Variants in ITGA4 observed in about 807,000 individuals in gnomAD.
The protein encoded by ITGA4 is integrin subunit alpha 4, also known as integrin alpha-4.
In ITGA4, 63 loss-of-function variants were observed where a neutral mutation model predicts 133.6. That is an observed-to-expected ratio of 0.47 (90% CI 0.38 to 0.58). The LOEUF is 0.58. ITGA4 is among the 20% of genes least tolerant of loss of function. ITGA4 has a pLI of 0.00. For missense variants in ITGA4, 1,076 were observed against 1,252.7 expected, an observed-to-expected ratio of 0.86 and a Z score of 2.13; for synonymous variants, 483 against 438.0, an observed-to-expected ratio of 1.10 and a Z score of -1.28.
intron 11 of ITGA4, 94 bp downstream of exon 11, chr2:181,493,513 C>T: frequency 1.4e-6 from 1 of 696,046 alleles, no homozygotes; most frequent in East Asian, 2.8e-5. Flanking sequence ...TCTTAATTTT[C>T]TCATTCAAAT....
intron 2 of ITGA4, among the ~76,000 whole-genome samples, chr2:181,462,267 T>C (rs571485916): frequency 6.6e-6 from 1 of 152,294 alleles, no homozygotes; most frequent in East Asian, 1.9e-4. Context: ...CCTGTCCCTC[T>C]CTTACAGGAA....
intron 21 of ITGA4, among the ~76,000 whole-genome samples, chr2:181,526,968 A>G (rs1186399482): frequency 1.3e-5 from 2 of 150,966 alleles, no homozygotes; most frequent in East Asian, 1.9e-4. Flanking sequence ...AGTAGCTGGT[A>G]CTACAGGCAC....
At chr2:181,465,206 TA>T (rs1685381981) in intron 2 of ITGA4, among the ~76,000 whole-genome samples, 1 of 152,130 alleles carries the variant, frequency 6.6e-6, no homozygotes, top group Non-Finnish European at 1.5e-5. Flanking sequence ...GTCATTAGAC[TA>T]CAATCATTTT....
intron 15 of ITGA4, among the ~76,000 whole-genome samples, chr2:181,508,997 C>G (rs1257947149): frequency 6.6e-6 from 1 of 151,444 alleles, no homozygotes; most frequent in Non-Finnish European, 1.5e-5. Context: ...AAAAAATGGG[C>G]TGGGCATGGT....
In ITGA4 at chr2:181,523,680, T is replaced by C. The variant is rs1358837992; in HGVS notation, c.2169+148T>C. 1.1e-5 allele frequency: 6 copies of C among 562,848 alleles called. No individual in the cohort carries two copies. The highest frequency in any genetic ancestry group is 3.8e-5 in the African/African-American group (2 of 53,152). The allele number at this position is 562,848 out of a possible 1,614,324, so 34.9% of individuals were successfully genotyped here. ...TGAAATAAAACTGGTTCTTGAAATC[T>C]TTGAGCTTTGTGTTTATATTCTTGG... On this transcript the variant is annotated intron_variant, in intron 19 of 27. Transcript: ENST00000397033. This position sits in a 1 kb window ranked among gnomAD's most constrained non-coding sequence, Gnocchi z 4.2.
At chr2:181,515,377 C>T (rs1470942029) in intron 17 of ITGA4, among the ~76,000 whole-genome samples, 5 of 151,974 alleles carry the variant, frequency 3.3e-5, no homozygotes, top group African/African-American at 1.2e-4. Context: ...TCCATGAAGA[C>T]TCAATAAAAG....
chr2:181,481,128 C>A (rs155097), intron 6 of ITGA4, among the ~76,000 whole-genome samples: 150,617 of 152,308 alleles, frequency 0.99, 74,505 homozygotes, highest in Middle Eastern at 1. Context: ...ACTTTGAAAT[C>A]GTTCAAGAAA....
At chr2:181,480,983 T>C (rs1685788799) in intron 6 of ITGA4, among the ~76,000 whole-genome samples, 1 of 152,198 alleles carries the variant, frequency 6.6e-6, no homozygotes, top group Non-Finnish European at 1.5e-5. Flanking sequence ...TTAAACTGTA[T>C]GTGTGTCAAA....
At chr2:181,528,199 G>T (rs573520438) in intron 22 of ITGA4, among the ~76,000 whole-genome samples, 3 of 152,244 alleles carry the variant, frequency 2.0e-5, no homozygotes, top group African/African-American at 7.2e-5. Context: ...CCTTGGCTTT[G>T]CCCCAAATCT....
chr2:181,522,596 C>T (rs968431079), intron 18 of ITGA4, among the ~76,000 whole-genome samples: 1 of 152,268 alleles, frequency 6.6e-6, no homozygotes, highest in South Asian at 2.1e-4. Flanking sequence ...TTCTCACTGC[C>T]GTAGCCAGCA....
intron 17 of ITGA4, among the ~76,000 whole-genome samples, chr2:181,521,926 G>T (rs1191090296): frequency 6.6e-6 from 1 of 152,134 alleles, no homozygotes; most frequent in African/African-American, 2.4e-5. Context: ...ATGCAGAAAA[G>T]AAATGAGAAA....
chr2:181,531,924 T>C, intron 25 of ITGA4, 148 bp downstream of exon 25: 1 of 511,752 alleles, frequency 2.0e-6, no homozygotes, highest in Non-Finnish European at 3.4e-6. Context: ...TGTATTTCTA[T>C]CACTTCAACT....
At chr2:181,518,906 G>A (rs570275435) in intron 17 of ITGA4, among the ~76,000 whole-genome samples, 1 of 152,018 alleles carries the variant, frequency 6.6e-6, no homozygotes, top group Admixed American at 6.6e-5. Flanking sequence ...AGTAAGCCAA[G>A]ATTCAAAGAT....
At chr2:181,508,200 A>T (rs1005005889) in intron 15 of ITGA4, among the ~76,000 whole-genome samples, 2 of 152,088 alleles carry the variant, frequency 1.3e-5, no homozygotes, top group African/African-American at 4.8e-5. Flanking sequence ...AATGAATTTT[A>T]AAAATCTGAT....
chr2:181,526,763 A>G (rs1260889420), intron 21 of ITGA4, among the ~76,000 whole-genome samples: 1 of 150,316 alleles, frequency 6.7e-6, no homozygotes. Context: ...TGTCATGGAA[A>G]GCAAGAAAAG....
Position 181,516,192 on chromosome 2 carries a change from C to T in ITGA4, c.1922+4417C>T, listed in dbSNP as rs1686603288. Among the ~76,000 whole-genome samples the T allele has an allele frequency of 6.6e-6, 1 of 152,042 alleles. No individual in the cohort carries two copies. The highest frequency in any genetic ancestry group is 1.5e-5 in the Non-Finnish European group (1 of 67,982). On this transcript the variant is annotated intron_variant, in intron 17 of 27. Transcript: ENST00000397033. The surrounding 1 kb of genome is among the most constrained non-coding windows in gnomAD (Gnocchi z 4.0). ...ATCCTTGAAACTCATGTAAATGATA[C>T]CGCAATACATTTCTGCACCTCAGTT...
intron 2 of ITGA4, among the ~76,000 whole-genome samples, chr2:181,463,240 A>G (rs1685330128): frequency 6.6e-6 from 1 of 152,172 alleles, no homozygotes; most frequent in Admixed American, 6.6e-5. Context: ...GCTAAACTGT[A>G]GGTTAGAGAG....
At chr2:181,535,286 T>G in intron 27 of ITGA4, 146 bp from the exon 28 acceptor site, 1 of 635,272 alleles carries the variant, frequency 1.6e-6, no homozygotes, top group Non-Finnish European at 2.5e-6. Context: ...TTTTACTGAT[T>G]ACCTCTGTTA....
intron 2 of ITGA4, among the ~76,000 whole-genome samples, chr2:181,460,566 A>T (rs867438665): frequency 4.7e-5 from 7 of 148,062 alleles, no homozygotes; most frequent in Non-Finnish European, 6.0e-5. Flanking sequence ...TCTGTAGAAG[A>T]GTGTGTGTGT....
Sources: gnomAD v4.1 joint callset for allele counts (sites outside exome capture counted in the v4.1 genomes callset) on GRCh38, gnomAD v4.1.1 for gene constraint, Gnocchi (gnomAD v3.1) non-coding constraint, MANE v1.5 for transcripts, NCBI Gene and HGNC (gene_info 2026-07-23, HGNC 2026-07-21) for gene names.